Variants in SDR39U1 observed in about 807,000 individuals in gnomAD.
SDR39U1 encodes the protein epimerase family protein SDR39U1.
SDR39U1 carries 29 observed loss-of-function variants against 31.7 expected under a neutral mutation model. The observed-to-expected ratio is 0.92, with a 90% confidence interval of 0.68 to 1.25. SDR39U1 has a LOEUF of 1.25. Among genes scored for constraint, SDR39U1 ranks in the 50% most tolerant of loss-of-function variants. SDR39U1 has a pLI of 0.00. For missense variants in SDR39U1, 403 were observed against 378.4 expected (o/e 1.06, Z -0.54); for synonymous variants, 147 against 159.0 (o/e 0.92, Z 0.57).
chr14:24,441,063 C>A (rs945147647), intron 4 of SDR39U1, 137 bp from the exon 5 acceptor site: 1 of 965,116 alleles, frequency 1.0e-6, no homozygotes. Context: ...TGGATATTTT[C>A]CCCTTGAACT....
intron 2 of SDR39U1, 29 bp from the exon 3 acceptor site, chr14:24,442,289 C>T: frequency 6.2e-7 from 1 of 1,602,144 alleles, no homozygotes; most frequent in Non-Finnish European, 8.5e-7. Flanking sequence ...AGTGCCCCTG[C>T]CCCGCCCTGC....
chr14:24,442,079 A>T (rs2043361119), intron 3 of SDR39U1, 99 bp downstream of exon 3: 1 of 1,551,236 alleles, frequency 6.4e-7, no homozygotes, highest in Admixed American at 2.0e-5. Context: ...TTTAGTTCGG[A>T]ATCTGGGAGC....
chr14:24,440,672 T>G lies in SDR39U1; in HGVS notation c.472+111A>C, dbSNP rs1035520081. The G allele has an allele frequency of 1.4e-5, 20 of 1,435,722 alleles. No individual in the cohort carries two copies. The African/African-American group carries it at 2.4e-4, about 17-fold the overall frequency. The allele number at this position is 1,435,722 out of a possible 1,614,324, so 88.9% of individuals were successfully genotyped here. On this transcript the variant is annotated intron_variant, in intron 5 of 5. Transcript: ENST00000399395. ...TTCTCATCTGCAGGTTGGCTAGAAG[T>G]GGTGGCATCCTCTCACTCTGTAATT... is the stretch of plus-strand genomic sequence containing the variant.
chr14:24,442,152 G>T, intron 3 of SDR39U1, 26 bp downstream of exon 3: 1 of 1,602,154 alleles, frequency 6.2e-7, no homozygotes. Flanking sequence ...GCTCTAGTGG[G>T]TATCAGCTTT....
chr14:24,440,753 C>T (rs1396975372), intron 5 of SDR39U1, 30 bp downstream of exon 5: 2 of 1,610,684 alleles, frequency 1.2e-6, no homozygotes, highest in Non-Finnish European at 1.7e-6. Flanking sequence ...GACATTCCAA[C>T]CCTGTCTGAT....
chr14:24,440,308 A>T lies in SDR39U1; in HGVS notation c.657T>A (p.Ala219=), dbSNP rs369769186. The T allele has an allele frequency of 9.3e-6, 15 of 1,613,946 alleles. No homozygotes were observed. The highest frequency in any genetic ancestry group is 1.2e-5 in the Non-Finnish European group (14 of 1,179,854). Residue 219 remains alanine (A), a synonymous_variant, in exon 6 of 6, where the codon GCT becomes GCA. Coordinates refer to ENST00000399395, the MANE Select transcript of SDR39U1 (RefSeq NM_020195.3). ...NHVHGVLNGV[A]PSSATNAEFA... is the part of the protein sequence containing the mutation. ...ACTCAGCATTAGTGGCGGAGGATGG[A>T]GCCACTCCATTCAGGACCCCGTGCA...
intron 4 of SDR39U1, chr14:24,441,403 G>T: frequency 2.0e-6 from 1 of 489,084 alleles, no homozygotes; most frequent in Non-Finnish European, 3.6e-6. Context: ...CAGGAACTCT[G>T]TTCCTAAAGA....
intron 1 of SDR39U1, 78 bp downstream of exon 1, chr14:24,442,676 G>C (rs1314955023): frequency 1.3e-6 from 2 of 1,564,620 alleles, no homozygotes; most frequent in African/African-American, 2.7e-5. Context: ...ACTAGACAGT[G>C]CCCTCCCGGA....
Position 24,440,251 on chromosome 14 carries a change from G to C in SDR39U1, c.714C>G (p.Arg238=). Residue 238 remains arginine, a synonymous_variant, in exon 6 of 6, where the codon CGC becomes CGG. Coordinates refer to ENST00000399395, the MANE Select transcript of SDR39U1 (RefSeq NM_020195.3). ...CGCTGGGGAGAGGGATGAAGGCTCGGCGGCCCAGGGCAGCACCCAAGGTCT... is the reference window on the plus strand; with the variant it reads ...CGCTGGGGAGAGGGATGAAGGCTCGCCGGCCCAGGGCAGCACCCAAGGTCT... The part of the protein sequence containing the change: ...FAQTLGAALG[R]RAFIPLPSAV... 1 of 1,613,854 alleles carries C rather than the reference G, an allele frequency of 6.2e-7. No homozygotes were observed. Among genetic ancestry groups the C allele is most frequent in the Non-Finnish European group, 8.5e-7 (1 of 1,179,732 alleles).
At chr14:24,442,816 A>C (rs777921881), upstream of SDR39U1, 2 of 1,608,802 alleles carry the variant, frequency 1.2e-6, no homozygotes, top group Non-Finnish European at 8.5e-7. Context: ...AGTTTACCTC[A>C]CCTCAGACGC....
Position 24,442,228 on chromosome 14 carries a change from G to C in SDR39U1, c.156C>G (p.Cys52Trp). The change falls in exon 3 of 6, where the codon TGC becomes TGG. Residue 52 changes from cysteine (C) to tryptophan (W), a missense_variant. By Grantham distance (215) the Cys-to-Trp change is radical. Coordinates refer to ENST00000399395, the MANE Select transcript of SDR39U1 (RefSeq NM_020195.3). ...CTCCGGCCAGGTTGACGGCGGCATC[G>C]CAGCTCGGCAGCCCCGATGCAGCGA... The part of the protein sequence containing the change: ...DELAASGLPS[C>W]DAAVNLAGEN... 1 of 1,611,714 alleles carries C rather than the reference G, an allele frequency of 6.2e-7. No individual in the cohort carries two copies. Among genetic ancestry groups the C allele is most frequent in the Non-Finnish European group, 8.5e-7 (1 of 1,179,084 alleles).
chr14:24,441,611 C>G, intron 4 of SDR39U1, 63 bp downstream of exon 4: 1 of 1,411,102 alleles, frequency 7.1e-7, no homozygotes, highest in African/African-American at 1.4e-5. Flanking sequence ...TGCATAGCTA[C>G]AGAGGTCTGA....
At chr14:24,442,138 C>T in intron 3 of SDR39U1, 40 bp downstream of exon 3, 3 of 1,592,570 alleles carry the variant, frequency 1.9e-6, no homozygotes, top group Non-Finnish European at 2.6e-6. Flanking sequence ...ACTGTCCTCC[C>T]TGTGCTCTAG....
In SDR39U1 at chr14:24,440,465, G is replaced by T. The variant is rs1594762774; in HGVS notation, c.500C>A (p.Ala167Asp). 2 of 1,609,070 alleles carry T rather than the reference G, an allele frequency of 1.2e-6. No homozygotes were observed. Among genetic ancestry groups the T allele is most frequent in the Non-Finnish European group, 1.7e-6 (2 of 1,177,716 alleles). Residue 167 changes from alanine to aspartate, a missense_variant, in exon 6 of 6, where the codon GCC (alanine) becomes GAC (aspartate). Coordinates refer to ENST00000399395, the MANE Select transcript of SDR39U1 (RefSeq NM_020195.3). Reference sequence around the variant, plus strand: ...AAAGGGCAGCAGCATGTGGCCCATGGCACCACCCCCACGGCCCAGCACAAC... The same window carrying T: ...AAAGGGCAGCAGCATGTGGCCCATGTCACCACCCCCACGGCCCAGCACAAC... ...SGVVLGRGGG[A>D]MGHMLLPFRL...
In SDR39U1 at chr14:24,442,766, G is replaced by A. The variant is rs1460708148; in HGVS notation, c.4C>T (p.Arg2Cys). 3.7e-6 allele frequency: 6 copies of A among 1,613,974 alleles called. No homozygotes were observed. The highest frequency in any genetic ancestry group is 3.4e-6 in the Non-Finnish European group (4 of 1,179,876). M[R>C]VLVGGGTGFI... Reference sequence around the variant, plus strand: ...TGCCCTCCCTCACCCACAAGCACACGCATAGCGACTAGGACCTAACGCGCC... The same window carrying A: ...TGCCCTCCCTCACCCACAAGCACACACATAGCGACTAGGACCTAACGCGCC... Residue 2 changes from arginine (R) to cysteine (C), a missense_variant, in exon 1 of 6, where the codon CGT becomes TGT. Arg to Cys is a radical substitution (Grantham distance 180, BLOSUM62 -3). Transcript: ENST00000399395.
In SDR39U1 at chr14:24,440,844, G is replaced by C; in HGVS notation, c.411C>G (p.Thr137=). Residue 137 remains threonine, a synonymous_variant, in exon 5 of 6, where the codon ACC becomes ACG. Coordinates refer to ENST00000399395, the MANE Select transcript of SDR39U1 (RefSeq NM_020195.3). ...GDFDFFSNLV[T]KWEAAARLPG... ...GAAGCCTGGCTGCAGCTTCCCATTT[G>C]GTTACGAGGTTGGAGAAAAAGTCAA... 3 of 1,613,964 alleles carry C rather than the reference G, an allele frequency of 1.9e-6. No homozygotes were observed. The highest frequency in any genetic ancestry group is 2.5e-6 in the Non-Finnish European group (3 of 1,179,862).
At position 24,440,288 on chromosome 14, in the gene SDR39U1, G is replaced by C; in HGVS notation, c.677C>G (p.Ala226Gly). ...NGVAPSSATNAEFAQTLGAAL... is the reference protein window; with the variant it reads ...NGVAPSSATNGEFAQTLGAAL... Reference sequence around the variant, plus strand: ...AGCACCCAAGGTCTGGGCAAACTCAGCATTAGTGGCGGAGGATGGAGCCAC... The same window carrying C: ...AGCACCCAAGGTCTGGGCAAACTCACCATTAGTGGCGGAGGATGGAGCCAC... Residue 226 changes from alanine (A) to glycine (G), a missense_variant, in exon 6 of 6, where the codon GCT (alanine) becomes GGT (glycine). Transcript: ENST00000399395. The C allele has an allele frequency of 1.2e-6, 2 of 1,614,026 alleles. No homozygotes were observed. Among genetic ancestry groups the C allele is most frequent in the Non-Finnish European group, 1.7e-6 (2 of 1,179,886 alleles).
Position 24,440,307 on chromosome 14 carries a change from G to C in SDR39U1, c.658C>G (p.Pro220Ala). 1 of 1,614,016 alleles carries C rather than the reference G, an allele frequency of 6.2e-7. No individual in the cohort carries two copies. The highest frequency in any genetic ancestry group is 1.1e-5 in the South Asian group (1 of 91,090). ...AACTCAGCATTAGTGGCGGAGGATG[G>C]AGCCACTCCATTCAGGACCCCGTGC... Reference protein sequence around the residue: ...HVHGVLNGVAPSSATNAEFAQ... With the variant: ...HVHGVLNGVAASSATNAEFAQ... The change falls in exon 6 of 6, where the codon CCA becomes GCA. Residue 220 changes from proline (P) to alanine (A), a missense_variant. Transcript: ENST00000399395.
In SDR39U1 at chr14:24,441,679, C is replaced by T. The variant is rs1372450040; in HGVS notation, c.323G>A (p.Gly108Asp). ...QPPKAWVLVTGVAYYQPSLTA... is the reference protein window; with the variant it reads ...QPPKAWVLVTDVAYYQPSLTA... Reference sequence around the variant, plus strand: ...TGGTGATTTGGGGGGCGTACCTACACCTGTGACTAAGACCCAGGCCTTGGG... The same window carrying T: ...TGGTGATTTGGGGGGCGTACCTACATCTGTGACTAAGACCCAGGCCTTGGG... The change falls in exon 4 of 6, where the codon GGT (glycine) becomes GAT (aspartate). Residue 108 changes from glycine (G) to aspartate (D), a missense_variant. By Grantham distance (94) the Gly-to-Asp change is moderately conservative (BLOSUM62 -1). Coordinates refer to ENST00000399395, the MANE Select transcript of SDR39U1 (RefSeq NM_020195.3). 6 of 1,583,564 alleles carry T rather than the reference C, an allele frequency of 3.8e-6. No individual in the cohort carries two copies. In the African/African-American group the frequency reaches 4.1e-5, roughly 11 times the overall value.
Sources: allele counts gnomAD v4.1 joint callset, GRCh38; gene constraint gnomAD v4.1.1; transcripts MANE v1.5; gene names NCBI Gene and HGNC (gene_info 2026-07-23, HGNC 2026-07-21).